The following NRXN3 variants were observed in gnomAD, a reference collection of about 807,000 sequenced individuals.
The protein encoded by NRXN3 is neurexin III.
NRXN3 carries 32 observed loss-of-function variants against 137.6 expected under a neutral mutation model. That is an observed-to-expected ratio of 0.23 (90% CI 0.18 to 0.31). NRXN3 has a LOEUF of 0.31. Ranked by LOEUF, NRXN3 falls within the 10% of genes least tolerant of loss-of-function variation. NRXN3 has a pLI of 1.00. For synonymous variants in NRXN3, 798 were observed against 784.5 expected (o/e 1.02, Z -0.29); for missense variants, 1,574 against 2,062.5 (o/e 0.76, Z 4.59).
chr14:78,600,427 G>A (rs758094696), intron 4 of NRXN3, among the ~76,000 whole-genome samples: 37 of 152,136 alleles, frequency 2.4e-4, no homozygotes, highest in African/African-American at 6.8e-4. Flanking sequence ...ATTTAATACC[G>A]TTCCCAATGT....
At position 79,054,991 on chromosome 14, in the gene NRXN3, C is replaced by T. The variant is rs543869378; in HGVS notation, c.3262+66850C>T. Among the ~76,000 whole-genome samples, 8 of 152,316 alleles carry T rather than the reference C, an allele frequency of 5.3e-5. No homozygotes were observed. In the East Asian group the frequency reaches 1.5e-3, roughly 29 times the overall value. On this transcript the variant is annotated intron_variant, in intron 15 of 20. Coordinates refer to ENST00000335750, the MANE Select transcript of NRXN3 (RefSeq NM_001330195.2). ...AAATACAGTGGTAGCTTGGGAGCTG[C>T]AGATGTCTCTAATAAGCATTCCCAA...
chr14:79,558,801 CAGCAGAA>C (rs1449790173), intron 16 of NRXN3, among the ~76,000 whole-genome samples: 2 of 152,122 alleles, frequency 1.3e-5, no homozygotes, highest in Middle Eastern at 3.2e-3. Context: ...CACCTTCGTC[CAGCAGAA>C]GACTGTTTTG....
At chr14:78,898,891 C>T (rs969027179) in intron 10 of NRXN3, among the ~76,000 whole-genome samples, 1 of 151,818 alleles carries the variant, frequency 6.6e-6, no homozygotes, top group Non-Finnish European at 1.5e-5. Context: ...AATGATTTTA[C>T]AAAATAAAAT....
chr14:78,986,083 A>G (rs1051358180), intron 14 of NRXN3, among the ~76,000 whole-genome samples: 7 of 152,190 alleles, frequency 4.6e-5, no homozygotes, highest in Admixed American at 1.3e-4. Context: ...CCAGAAGACG[A>G]ACCCTTTGTA....
chr14:78,465,593 A>G (rs932426082), intron 4 of NRXN3, among the ~76,000 whole-genome samples: 1 of 152,136 alleles, frequency 6.6e-6, no homozygotes, highest in South Asian at 2.1e-4. Context: ...GCTGGAGTGC[A>G]GTGGCGCGAT....
rs1002702240 is a variant in NRXN3 at position 79,462,618 on chromosome 14, T to TATAC, written c.3263-4602_3263-4601insTACA. Among the ~76,000 whole-genome samples the TATAC allele has an allele frequency of 1.2e-3, 175 of 150,872 alleles. 1 individual carries two copies. Among genetic ancestry groups the TATAC allele is most frequent in the African/African-American group, 4.2e-3 (174 of 41,252 alleles). On this transcript the variant is annotated intron_variant, in intron 15 of 20. Coordinates refer to ENST00000335750, the MANE Select transcript of NRXN3 (RefSeq NM_001330195.2). ...TCACTTAATTAGCTATATATATATA[T>TATAC]ACACACACATACATATATTCACATA... is the stretch of plus-strand genomic sequence containing the variant.
chr14:79,772,750 T>C (rs1371578695), intron 19 of NRXN3, among the ~76,000 whole-genome samples: 1 of 151,548 alleles, frequency 6.6e-6, no homozygotes, highest in Non-Finnish European at 1.5e-5. Flanking sequence ...CCAAAAGCAA[T>C]GGCAACCAAA....
At position 79,432,332 on chromosome 14, in the gene NRXN3, A is replaced by C. The variant is rs184648211; in HGVS notation, c.3263-34889A>C. 3.4e-3 allele frequency among the ~76,000 whole-genome samples: 513 copies of C among 152,232 alleles called. 5 individuals are homozygous for C. Among genetic ancestry groups the C allele is most frequent in the Non-Finnish European group, 2.9e-3 (197 of 68,016 alleles). ...ATCCATGAGATTCAAATGTCTTCTC[A>C]TTTGGAAGGACTGCCTGATAACCTG... is the stretch of plus-strand genomic sequence containing the variant. On this transcript the variant is annotated intron_variant, in intron 15 of 20. Coordinates refer to ENST00000335750, the MANE Select transcript of NRXN3 (RefSeq NM_001330195.2).
At chr14:78,601,657 T>C (rs926785290) in intron 4 of NRXN3, among the ~76,000 whole-genome samples, 1 of 152,216 alleles carries the variant, frequency 6.6e-6, no homozygotes, top group East Asian at 1.9e-4. Context: ...GGTTTCACCA[T>C]GTTAGCCAGG....
intron 15 of NRXN3, among the ~76,000 whole-genome samples, chr14:79,055,190 C>G (rs1429983358): frequency 2.0e-5 from 3 of 152,172 alleles, no homozygotes; most frequent in Non-Finnish European, 4.4e-5. Context: ...TTCACCTTCT[C>G]TCTCAGTCAT....
Position 79,697,823 on chromosome 14 carries a change from G to A in NRXN3, c.3900G>A (p.Leu1300=). Residue 1300 remains leucine, a synonymous_variant, in exon 19 of 21, where the codon TTG becomes TTA. Transcript: ENST00000335750. ...VRLVGEVPSI[L]GTTQTTSMPP... ...TGGTTGGAGAAGTCCCATCAATTTT[G>A]GGAACAACACAGACGACCTCCATGC... 1 of 1,613,202 alleles carries A rather than the reference G, an allele frequency of 6.2e-7. No individual in the cohort carries two copies. The highest frequency in any genetic ancestry group is 8.5e-7 in the Non-Finnish European group (1 of 1,179,486).
intron 16 of NRXN3, among the ~76,000 whole-genome samples, chr14:79,626,147 T>C (rs938168184): frequency 4.6e-5 from 7 of 152,206 alleles, no homozygotes; most frequent in African/African-American, 7.2e-5. Context: ...ACATAAATAG[T>C]GATTGAATGA....
intron 15 of NRXN3, among the ~76,000 whole-genome samples, chr14:79,318,768 A>G (rs1476558182): frequency 2.6e-5 from 4 of 152,128 alleles, no homozygotes; most frequent in Non-Finnish European, 4.4e-5. Context: ...TCGGATTTCT[A>G]TCACTATTTT....
chr14:79,818,632 A>C (rs916088146), intron 20 of NRXN3, among the ~76,000 whole-genome samples: 1 of 152,186 alleles, frequency 6.6e-6, no homozygotes, highest in Non-Finnish European at 1.5e-5. Context: ...TGCTCTTGAC[A>C]TCTCTTAAAG....
intron 4 of NRXN3, among the ~76,000 whole-genome samples, chr14:78,620,243 CTTT>C (rs1372564158): frequency 6.6e-6 from 1 of 152,168 alleles, no homozygotes; most frequent in Non-Finnish European, 1.5e-5. Flanking sequence ...CTTTGGGACA[CTTT>C]TTATTATTTC....
At chr14:79,853,684 T>C (rs781401841) in intron 20 of NRXN3, 3 of 1,290,068 alleles carry the variant, frequency 2.3e-6, no homozygotes, top group South Asian at 2.6e-5. Flanking sequence ...TTCCTTCCCA[T>C]TCTCCCCCTT....
chr14:78,733,585 G>A (rs974353000), intron 8 of NRXN3, among the ~76,000 whole-genome samples: 1 of 152,150 alleles, frequency 6.6e-6, no homozygotes, highest in Non-Finnish European at 1.5e-5. Context: ...TTAATAACTT[G>A]TATTGTCTCC....
At chr14:79,695,100 C>G (rs145795250) in intron 18 of NRXN3, among the ~76,000 whole-genome samples, 2 of 152,012 alleles carry the variant, frequency 1.3e-5, no homozygotes, top group African/African-American at 4.8e-5. Context: ...CCTTGCCTTT[C>G]CTGATGCTTG....
At chr14:79,065,126 G>A (rs532403120) in intron 15 of NRXN3, among the ~76,000 whole-genome samples, 3 of 151,818 alleles carry the variant, frequency 2.0e-5, no homozygotes, top group Non-Finnish European at 4.4e-5. Flanking sequence ...GTTATTTTAT[G>A]TAGTTTATTC....
Sources: gnomAD v4.1 joint callset for allele counts (sites outside exome capture counted in the v4.1 genomes callset) on GRCh38, gnomAD v4.1.1 for gene constraint, MANE v1.5 for transcripts, NCBI Gene and HGNC (gene_info 2026-07-23, HGNC 2026-07-21) for gene names.